The following SPATA16 variants were observed in gnomAD, a reference collection of about 807,000 sequenced individuals.
SPATA16 encodes the protein spermatogenesis associated 16.
In SPATA16, 36 loss-of-function variants were observed where a neutral mutation model predicts 63.3. The ratio of observed to expected loss-of-function variants is 0.57; its 90% CI spans 0.44 to 0.75. The LOEUF is 0.75. Among genes scored for constraint, SPATA16 ranks in the 30% least tolerant of loss-of-function variants. The pLI, the probability that SPATA16 is intolerant of heterozygous loss-of-function variation, is 0.00. For synonymous variants in SPATA16, 203 were observed against 216.7 expected, an observed-to-expected ratio of 0.94 and a Z score of 0.56; for missense variants, 646 against 679.3, an observed-to-expected ratio of 0.95 and a Z score of 0.54.
chr3:172,908,804 G>C (rs940132505), intron 10 of SPATA16, among the ~76,000 whole-genome samples: 18 of 151,808 alleles, frequency 1.2e-4, no homozygotes, highest in African/African-American at 4.4e-4. Context: ...AACTTCTACT[G>C]GGCTCAGAAC....
At chr3:173,099,357 G>T (rs1056294546) in intron 2 of SPATA16, among the ~76,000 whole-genome samples, 11 of 152,084 alleles carry the variant, frequency 7.2e-5, no homozygotes, top group African/African-American at 1.4e-4. Flanking sequence ...GTTAGCTATT[G>T]TTGTTAATCT....
At chr3:172,918,261 G>T (rs1383040475) in intron 8 of SPATA16, among the ~76,000 whole-genome samples, 3 of 152,208 alleles carry the variant, frequency 2.0e-5, no homozygotes, top group Non-Finnish European at 2.9e-5. Context: ...GGGGCTAGTT[G>T]TAGGAAAGTG....
chr3:173,095,378 T>C (rs1433058128), intron 2 of SPATA16, among the ~76,000 whole-genome samples: 1 of 152,176 alleles, frequency 6.6e-6, no homozygotes, highest in Non-Finnish European at 1.5e-5. Context: ...TATTAATTTT[T>C]TGTTGGCTAT....
At chr3:172,910,575 G>A (rs1042288531) in intron 10 of SPATA16, among the ~76,000 whole-genome samples, 6 of 151,908 alleles carry the variant, frequency 3.9e-5, no homozygotes, top group African/African-American at 1.5e-4. Flanking sequence ...CCTGCAGACT[G>A]TAGTTTGTTG....
intron 6 of SPATA16, among the ~76,000 whole-genome samples, chr3:172,953,509 T>TGGTACGGTAAGGGTGGTTGG (rs1386693370): frequency 6.6e-6 from 1 of 152,170 alleles, no homozygotes; most frequent in African/African-American, 2.4e-5. Context: ...TTGGGCCAAC[T>TGGTACGGTAAGGGTGGTTGG]GGTACGGTAA....
chr3:173,003,055 C>T (rs1734861640), intron 4 of SPATA16, among the ~76,000 whole-genome samples: 2 of 152,092 alleles, frequency 1.3e-5, no homozygotes, highest in South Asian at 4.1e-4. Context: ...ATATTTGATA[C>T]ACTAAAACCA....
intron 1 of SPATA16, among the ~76,000 whole-genome samples, chr3:173,126,923 A>G (rs569442408): frequency 6.6e-6 from 1 of 152,344 alleles, no homozygotes; most frequent in East Asian, 1.9e-4. Context: ...AGAGATCCGC[A>G]AAATTAATGG....
chr3:173,003,821 T>C (rs774143648), intron 4 of SPATA16, among the ~76,000 whole-genome samples: 63 of 152,236 alleles, frequency 4.1e-4, no homozygotes, highest in Non-Finnish European at 7.8e-4. Context: ...GCTTATAATG[T>C]GCCAGGCAGT....
chr3:173,033,226 G>C (rs985919769), intron 3 of SPATA16, among the ~76,000 whole-genome samples: 2 of 152,118 alleles, frequency 1.3e-5, no homozygotes, highest in Non-Finnish European at 2.9e-5. Context: ...TTTGTAGACT[G>C]TAATTGTGTC....
intron 2 of SPATA16, among the ~76,000 whole-genome samples, chr3:173,061,875 A>T (rs1736388387): frequency 6.6e-6 from 1 of 152,178 alleles, no homozygotes; most frequent in African/African-American, 2.4e-5. Context: ...TGGACTTAAA[A>T]GTACTATCAG....
At chr3:173,090,180 G>A (rs1356210414) in intron 2 of SPATA16, among the ~76,000 whole-genome samples, 2 of 152,102 alleles carry the variant, frequency 1.3e-5, no homozygotes, top group Admixed American at 1.3e-4. Context: ...GGATGGTTTA[G>A]CACCATTCCT....
intron 2 of SPATA16, among the ~76,000 whole-genome samples, chr3:173,086,925 G>T (rs1018373258): frequency 6.6e-6 from 1 of 152,148 alleles, no homozygotes; most frequent in Non-Finnish European, 1.5e-5. Flanking sequence ...TTTTGCATTT[G>T]CTGAGGAGTG....
chr3:173,103,485 C>A (rs1402695213), intron 2 of SPATA16, among the ~76,000 whole-genome samples: 2 of 152,236 alleles, frequency 1.3e-5, no homozygotes, highest in Admixed American at 6.5e-5. Context: ...CACCTACAGG[C>A]TTAACACCAT....
chr3:173,047,152 G>T (rs969765021), intron 3 of SPATA16, among the ~76,000 whole-genome samples: 27 of 150,780 alleles, frequency 1.8e-4, no homozygotes, highest in Non-Finnish European at 3.0e-4. Flanking sequence ...GCAGCATCTT[G>T]TGGTTCTTAT....
At chr3:172,892,602 C>T (rs564325287) in intron 10 of SPATA16, among the ~76,000 whole-genome samples, 1 of 152,212 alleles carries the variant, frequency 6.6e-6, no homozygotes, top group East Asian at 1.9e-4. Flanking sequence ...TTTAGAAAAG[C>T]TGGTTCTTTA....
rs1248849393 is a variant in SPATA16, at chr3:173,018,974, G to C, written c.848+512C>G. Reference sequence around the variant, plus strand: ...TTCTTTGCCACAGTCTAAGTTCTGGGATGCAAATATTAGGGGAAGCTTCAC... The same window carrying C: ...TTCTTTGCCACAGTCTAAGTTCTGGCATGCAAATATTAGGGGAAGCTTCAC... On this transcript the variant is annotated intron_variant, in intron 4 of 10. Transcript: ENST00000351008. Among the ~76,000 whole-genome samples the C allele has an allele frequency of 1.3e-5, 2 of 152,128 alleles. 1 individual carries two copies.
chr3:172,900,943 A>C (rs1358169173), intron 10 of SPATA16, among the ~76,000 whole-genome samples: 2 of 151,976 alleles, frequency 1.3e-5, no homozygotes, highest in Non-Finnish European at 2.9e-5. Flanking sequence ...CCTGGCCTAA[A>C]ATTGGGTAAT....
intron 6 of SPATA16, among the ~76,000 whole-genome samples, chr3:172,943,289 G>A (rs1733202064): frequency 6.6e-6 from 1 of 152,176 alleles, no homozygotes; most frequent in African/African-American, 2.4e-5. Context: ...ACTTATCAAA[G>A]ATCTACAGCA....
chr3:172,965,710 C>T (rs1376236771), intron 5 of SPATA16, among the ~76,000 whole-genome samples: 4 of 151,924 alleles, frequency 2.6e-5, no homozygotes, highest in East Asian at 1.9e-4. Context: ...CGGCTCACTA[C>T]AACCCCCACC....
Sources: allele counts gnomAD v4.1 joint callset (sites outside exome capture counted in the v4.1 genomes callset), GRCh38; gene constraint gnomAD v4.1.1; transcripts MANE v1.5; gene names NCBI Gene and HGNC (gene_info 2026-07-23, HGNC 2026-07-21).